The following CDH13 variants were observed in gnomAD, a reference collection of about 807,000 sequenced individuals.
The protein encoded by CDH13 is cadherin-13.
Under a neutral mutation model 63.8 loss-of-function variants are expected in CDH13, and 24 were observed. The observed-to-expected ratio is 0.38, with a 90% confidence interval of 0.27 to 0.53. The LOEUF is 0.53. CDH13 is among the 20% of genes least tolerant of loss of function. The pLI, the probability that CDH13 is intolerant of heterozygous loss-of-function variation, is 0.85. For synonymous variants in CDH13, 503 were observed against 355.3 expected, an observed-to-expected ratio of 1.42 and a Z score of -4.67; for missense variants, 1,049 against 903.1, an observed-to-expected ratio of 1.16 and a Z score of -2.07.
At chr16:83,154,446 G>C (rs114481171) in intron 4 of CDH13, among the ~76,000 whole-genome samples, 1 of 151,704 alleles carries the variant, frequency 6.6e-6, no homozygotes, top group Admixed American at 6.6e-5. Context: ...ATACACCTGT[G>C]GTCCCAGCTA....
intron 7 of CDH13, among the ~76,000 whole-genome samples, chr16:83,599,358 G>C (rs577247618): frequency 6.0e-4 from 92 of 152,310 alleles, no homozygotes; most frequent in African/African-American, 2.0e-3. Flanking sequence ...CCCTGTCTGA[G>C]ATCAAAAGCT....
At chr16:82,680,706 G>T (rs1914449237) in intron 1 of CDH13, among the ~76,000 whole-genome samples, 1 of 152,090 alleles carries the variant, frequency 6.6e-6, no homozygotes, top group Admixed American at 6.6e-5. Flanking sequence ...AAAAATGTTG[G>T]AAGATCTGGG....
chr16:83,677,059 T>A (rs963906251), intron 9 of CDH13, among the ~76,000 whole-genome samples: 2 of 152,218 alleles, frequency 1.3e-5, no homozygotes, highest in African/African-American at 4.8e-5. Flanking sequence ...TCTGATGGGT[T>A]AGCTGTTTGT....
intron 1 of CDH13, among the ~76,000 whole-genome samples, chr16:82,751,191 C>T (rs1457302918): frequency 1.3e-5 from 2 of 152,180 alleles, no homozygotes; most frequent in African/African-American, 4.8e-5. Context: ...GGGAAGCTTA[C>T]AGAGAAGGGC....
At chr16:83,788,956 A>T (rs928999765) in intron 13 of CDH13, among the ~76,000 whole-genome samples, 2 of 152,226 alleles carry the variant, frequency 1.3e-5, no homozygotes, top group Non-Finnish European at 2.9e-5. Context: ...AGGTGTTACC[A>T]CTTACCTTCA....
intron 5 of CDH13, among the ~76,000 whole-genome samples, chr16:83,293,104 C>G (rs1037909172): frequency 7.9e-5 from 12 of 152,122 alleles, no homozygotes; most frequent in Non-Finnish European, 1.6e-4. Flanking sequence ...ATGTTAGATT[C>G]TATTTTGAAT....
At chr16:82,665,737 C>G (rs1414940820) in intron 1 of CDH13, among the ~76,000 whole-genome samples, 1 of 152,058 alleles carries the variant, frequency 6.6e-6, no homozygotes, top group East Asian at 1.9e-4. Context: ...CAGCTCCTCT[C>G]TGAACTGACA....
intron 1 of CDH13, among the ~76,000 whole-genome samples, chr16:82,822,169 A>G (rs1049851456): frequency 2.6e-5 from 4 of 152,206 alleles, no homozygotes; most frequent in Non-Finnish European, 4.4e-5. Context: ...ACACAAGGCT[A>G]TGTAATACAG....
intron 10 of CDH13, among the ~76,000 whole-genome samples, chr16:83,738,003 C>G (rs970516359): frequency 6.6e-6 from 1 of 152,196 alleles, no homozygotes; most frequent in Non-Finnish European, 1.5e-5. Context: ...ATACATACAT[C>G]GTACGCCACC....
rs780339562 is a variant in CDH13 at position 83,514,197 on chromosome 16, A to G, written c.960+27542A>G. ...ACAATTACTCCATGCAATAAATCCC[A>G]TTATCACTTTCTGTACTAGGTTGAC... On this transcript the variant is annotated intron_variant, in intron 7 of 13. Transcript: ENST00000567109. Among the ~76,000 whole-genome samples, 56 of 152,204 alleles carry G rather than the reference A, an allele frequency of 3.7e-4. 1 individual carries two copies. Among genetic ancestry groups the G allele is most frequent in the Non-Finnish European group, 7.3e-4 (50 of 68,040 alleles).
chr16:83,181,247 T>C (rs2038340594), intron 4 of CDH13, among the ~76,000 whole-genome samples: 1 of 152,194 alleles, frequency 6.6e-6, no homozygotes. Context: ...CCAAGGCAGG[T>C]GTTTAATTGC....
chr16:83,512,842 C>G (rs1457930966), intron 7 of CDH13, among the ~76,000 whole-genome samples: 1 of 151,980 alleles, frequency 6.6e-6, no homozygotes, highest in Admixed American at 6.6e-5. Flanking sequence ...CCCCACAAAC[C>G]TCTTGATTTG....
chr16:82,736,966 C>G (rs16958397), intron 1 of CDH13, among the ~76,000 whole-genome samples: 27,286 of 152,118 alleles, frequency 0.18, 2,740 homozygotes, highest in East Asian at 0.43. Flanking sequence ...TCTGAATATT[C>G]CTTTTCTGCC....
chr16:83,412,343 G>A (rs2092140341), intron 6 of CDH13, among the ~76,000 whole-genome samples: 2 of 152,178 alleles, frequency 1.3e-5, no homozygotes, highest in South Asian at 2.1e-4. Context: ...ACGTCTGCAG[G>A]CTCAGCTACT....
intron 7 of CDH13, among the ~76,000 whole-genome samples, chr16:83,530,982 C>A (rs951347209): frequency 2.0e-5 from 3 of 152,172 alleles, no homozygotes; most frequent in African/African-American, 7.2e-5. Flanking sequence ...GTCTCCACTC[C>A]TCCATTTCCT....
intron 2 of CDH13, among the ~76,000 whole-genome samples, chr16:82,980,030 G>C (rs1567714666): frequency 6.6e-6 from 1 of 152,190 alleles, no homozygotes; most frequent in Admixed American, 6.5e-5. Context: ...TAAATGCATA[G>C]TTGAAGTACA....
chr16:83,667,505 G>T (rs1567499926), intron 8 of CDH13, among the ~76,000 whole-genome samples: 2 of 152,006 alleles, frequency 1.3e-5, no homozygotes, highest in Non-Finnish European at 2.9e-5. Context: ...CCCATCTTCA[G>T]ACCTGCTCAT....
chr16:83,406,257 G>A (rs1237236422), intron 6 of CDH13, among the ~76,000 whole-genome samples: 1 of 152,162 alleles, frequency 6.6e-6, no homozygotes, highest in Non-Finnish European at 1.5e-5. Context: ...CCACACAGCT[G>A]TAAGAAATAG....
intron 1 of CDH13, among the ~76,000 whole-genome samples, chr16:82,813,161 T>C (rs1431106703): frequency 2.0e-5 from 3 of 152,144 alleles, no homozygotes; most frequent in East Asian, 1.9e-4. Flanking sequence ...GTTCAGTTGA[T>C]GTTTTTGGAG....
Sources: gnomAD v4.1 joint callset for allele counts (sites outside exome capture counted in the v4.1 genomes callset) on GRCh38, gnomAD v4.1.1 for gene constraint, MANE v1.5 for transcripts, NCBI Gene and HGNC (gene_info 2026-07-23, HGNC 2026-07-21) for gene names.